The following SEC63 variants were observed in gnomAD, a reference collection of about 807,000 sequenced individuals.
SEC63 encodes the protein translocation protein SEC63 homolog.
SEC63 carries 56 observed loss-of-function variants against 116.2 expected under a neutral mutation model. That is an observed-to-expected ratio of 0.48 (90% CI 0.39 to 0.60). SEC63 has a LOEUF of 0.60. SEC63 is among the 20% of genes least tolerant of loss of function. SEC63 has a pLI of 0.00. For synonymous variants in SEC63, 273 were observed against 294.6 expected (o/e 0.93, Z 0.75); for missense variants, 668 against 900.0 (o/e 0.74, Z 3.30).
intron 10 of SEC63, among the ~76,000 whole-genome samples, chr6:107,905,093 C>T (rs748637150): frequency 8.6e-5 from 13 of 151,968 alleles, no homozygotes; most frequent in Non-Finnish European, 4.4e-5. Flanking sequence ...AGATAAGAGA[C>T]GTAGAAGAGA....
chr6:107,899,698 A>C (rs1305598879), intron 13 of SEC63, among the ~76,000 whole-genome samples: 2 of 148,000 alleles, frequency 1.4e-5, no homozygotes, highest in African/African-American at 5.0e-5. Context: ...CAGCCTGGGC[A>C]ACAGAGCAAG....
At chr6:107,916,116 G>C (rs902092262) in intron 4 of SEC63, among the ~76,000 whole-genome samples, 1 of 151,566 alleles carries the variant, frequency 6.6e-6, no homozygotes, top group Non-Finnish European at 1.5e-5. Context: ...AAGACTGGGG[G>C]GATAGGGTGG....
chr6:107,932,010 T>C, intron 1 of SEC63: 1 of 154,702 alleles, frequency 6.5e-6, no homozygotes, highest in South Asian at 2.0e-4. Flanking sequence ...ACAAGCTTTA[T>C]CATTATGCCA....
At chr6:107,904,833 A>G (rs1787107402) in intron 10 of SEC63, 112 bp from the exon 11 acceptor site, 1 of 834,240 alleles carries the variant, frequency 1.2e-6, no homozygotes. Context: ...ATTTCACATG[A>G]TCTCAGAATT....
At chr6:107,874,995 A>G (rs1399595625) in intron 19 of SEC63, among the ~76,000 whole-genome samples, 1 of 152,216 alleles carries the variant, frequency 6.6e-6, no homozygotes, top group Non-Finnish European at 1.5e-5. Context: ...TAATCATTGT[A>G]GTAGGCCTAT....
intron 13 of SEC63, among the ~76,000 whole-genome samples, chr6:107,900,102 A>C (rs1310361630): frequency 6.6e-6 from 1 of 152,046 alleles, no homozygotes; most frequent in Non-Finnish European, 1.5e-5. Flanking sequence ...TGTATAAATA[A>C]ATGGTACAAT....
intron 1 of SEC63, 28 bp downstream of exon 1, chr6:107,957,858 T>C (rs1770742868): frequency 2.5e-6 from 4 of 1,594,374 alleles, no homozygotes; most frequent in Non-Finnish European, 3.4e-6. Context: ...CCTGCGCGGG[T>C]TCGCGGGCAA....
chr6:107,942,104 T>C (rs549355292), intron 1 of SEC63, among the ~76,000 whole-genome samples: 1 of 152,366 alleles, frequency 6.6e-6, no homozygotes, highest in African/African-American at 2.4e-5. Flanking sequence ...TACCATTCTA[T>C]AATTAGATAT....
rs1458644303 is a variant in SEC63, at chr6:107,947,848, C to T, written c.124+10038G>A. ...CATCTAGTTTCCCACCCAGCCATCA[C>T]CAACCTCCCCCTCCACCCACCAAAC... On this transcript the variant is annotated intron_variant, in intron 1 of 20. Coordinates refer to ENST00000369002, the MANE Select transcript of SEC63 (RefSeq NM_007214.5). Among the ~76,000 whole-genome samples the T allele has an allele frequency of 3.3e-5, 5 of 152,112 alleles. 1 individual carries two copies. Among genetic ancestry groups the T allele is most frequent in the African/African-American group, 7.2e-5 (3 of 41,408 alleles).
rs61733388 is a variant in SEC63, at chr6:107,876,571, G to T, written c.2027C>A (p.Thr676Lys). The change falls in exon 19 of 21, where the codon ACA becomes AAA. Residue 676 changes from threonine to lysine, a missense_variant. Coordinates refer to ENST00000369002, the MANE Select transcript of SEC63 (RefSeq NM_007214.5). ...ATGTTGCTTGATAGTTACCTCCTCT[G>T]TATCTTTCAGCGTACACACATGATA... ...MPYHVCTLKD[T>K]EEVELKFPAP... 4 of 1,578,478 alleles carry T rather than the reference G, an allele frequency of 2.5e-6. No homozygotes were observed. The highest frequency in any genetic ancestry group is 3.5e-6 in the Non-Finnish European group (4 of 1,155,796).
Position 107,893,412 on chromosome 6 carries a change from C to T in SEC63, c.1674+70G>A, listed in dbSNP as rs1276093837. The T allele has an allele frequency of 2.5e-5, 36 of 1,467,942 alleles. No individual in the cohort carries two copies. In the South Asian group the frequency reaches 3.4e-4, roughly 14 times the overall value. 90.9% of individuals were successfully genotyped at this position (1,467,942 alleles called of 1,614,324 possible). On this transcript the variant is annotated intron_variant, in intron 16 of 20. Coordinates refer to ENST00000369002, the MANE Select transcript of SEC63 (RefSeq NM_007214.5). ...TATGTAAAACTTTTGAAGCTGTACA[C>T]GTAAGACTTGAACATTTTAGTTTGT...
rs1335557147 is a variant in SEC63, at chr6:107,899,722, AAAAAAG to A, written c.1357+1642_1357+1647del. Among the ~76,000 whole-genome samples, 171 of 152,224 alleles carry A rather than the reference AAAAAAG, an allele frequency of 1.1e-3. 2 individuals carry two copies. The South Asian group carries it at 0.014, about 13-fold the overall frequency. On this transcript the variant is annotated intron_variant, in intron 13 of 20. Transcript: ENST00000369002. ...CAACAGAGCAAGACTGTCTCAAAAA[AAAAAAG>A]AAAAGAAAAGAAAAGAAAAGGGTAT...
At chr6:107,896,939 C>T (rs1786854233) in intron 14 of SEC63, among the ~76,000 whole-genome samples, 1 of 150,602 alleles carries the variant, frequency 6.6e-6, no homozygotes, top group Non-Finnish European at 1.5e-5. Flanking sequence ...AAGATCACGC[C>T]ATTGCACTCC....
intron 1 of SEC63, among the ~76,000 whole-genome samples, chr6:107,953,483 C>T (rs1194180533): frequency 1.4e-5 from 2 of 145,328 alleles, no homozygotes; most frequent in Middle Eastern, 3.7e-3. Context: ...AAGTGAGGAG[C>T]CCCTCTGCCC....
chr6:107,947,550 G>C (rs899085180), intron 1 of SEC63, among the ~76,000 whole-genome samples: 6 of 152,114 alleles, frequency 3.9e-5, no homozygotes, highest in African/African-American at 1.4e-4. Context: ...TCCAACCTGG[G>C]TAACAACATG....
intron 4 of SEC63, among the ~76,000 whole-genome samples, chr6:107,916,530 T>G (rs540638598): frequency 9.2e-5 from 14 of 152,396 alleles, no homozygotes. Flanking sequence ...TAACTTAGTA[T>G]GCTATTGCAA....
At chr6:107,928,876 G>T (rs1787735382) in intron 2 of SEC63, among the ~76,000 whole-genome samples, 1 of 152,160 alleles carries the variant, frequency 6.6e-6, no homozygotes. Flanking sequence ...GGGTGATTAG[G>T]TCCCTGATCC....
At chr6:107,885,910 C>A (rs1406884229) in intron 16 of SEC63, among the ~76,000 whole-genome samples, 1 of 151,896 alleles carries the variant, frequency 6.6e-6, no homozygotes, top group Non-Finnish European at 1.5e-5. Flanking sequence ...GCAGAACATG[C>A]AGGTTTGTTA....
chr6:107,897,738 A>G lies in SEC63; in HGVS notation c.1358-7T>C, dbSNP rs1490944070. The G allele has an allele frequency of 1.3e-6, 2 of 1,579,778 alleles. No individual in the cohort carries two copies. Among genetic ancestry groups the G allele is most frequent in the South Asian group, 2.2e-5 (2 of 90,398 alleles). ...CTATCTTCATCATCTAACACTGTTA[A>G]GATGGAAGAAAAAAAACAGCAAAAA... On this transcript the variant is annotated splice_region_variant and splice_polypyrimidine_tract_variant and intron_variant, in intron 13 of 20. Transcript: ENST00000369002.
Sources: gnomAD v4.1 joint callset for allele counts (sites outside exome capture counted in the v4.1 genomes callset) on GRCh38, gnomAD v4.1.1 for gene constraint, MANE v1.5 for transcripts, NCBI Gene and HGNC (gene_info 2026-07-23, HGNC 2026-07-21) for gene names.